Variants in DYTN observed in about 807,000 individuals in gnomAD.
DYTN encodes dystrotelin.
In DYTN, 75 loss-of-function variants were observed where a neutral mutation model predicts 69.6. The observed-to-expected ratio is 1.08, with a 90% CI of 0.89 to 1.31. DYTN has a LOEUF of 1.31. DYTN is among the 50% of genes most tolerant of loss of function. DYTN has a pLI of 0.00. For missense variants in DYTN, 726 were observed against 688.4 expected (o/e 1.05, Z -0.61); for synonymous variants, 252 against 249.1 (o/e 1.01, Z -0.11).
chr2:206,685,769 A>G (rs979382391), intron 9 of DYTN, among the ~76,000 whole-genome samples: 10 of 152,050 alleles, frequency 6.6e-5, no homozygotes, highest in African/African-American at 2.4e-4. Context: ...AGGAGCAAAC[A>G]TTCATTTTTT....
At position 206,695,093 on chromosome 2, in the gene DYTN, G is replaced by C. The variant is rs62194553; in HGVS notation, c.720-216C>G. On this transcript the variant is annotated intron_variant, in intron 7 of 11. Coordinates refer to ENST00000452335, the MANE Select transcript of DYTN (RefSeq NM_001093730.1). ...CTTCATATGATAGTATTTTCAAATGGCATTATATTAATGCCATATACGCTA... is the reference window on the plus strand; with the variant it reads ...CTTCATATGATAGTATTTTCAAATGCCATTATATTAATGCCATATACGCTA... Among the ~76,000 whole-genome samples, 907 of 152,084 alleles carry C rather than the reference G, an allele frequency of 6.0e-3. 4 individuals carry two copies. Among genetic ancestry groups the C allele is most frequent in the Non-Finnish European group, 0.01 (701 of 67,982 alleles).
At chr2:206,656,646 T>C (rs1442759107) in intron 11 of DYTN, among the ~76,000 whole-genome samples, 3 of 152,204 alleles carry the variant, frequency 2.0e-5, no homozygotes, top group South Asian at 2.1e-4. Context: ...TTGCACTTAC[T>C]ATGAGGCTTA....
chr2:206,692,244 G>A (rs1220179415), intron 9 of DYTN, among the ~76,000 whole-genome samples: 2 of 149,526 alleles, frequency 1.3e-5, no homozygotes, highest in Non-Finnish European at 2.9e-5. Flanking sequence ...CAACCTGGGC[G>A]ACAGAGTGAG....
At chr2:206,658,211 CTCTA>C (rs1456151236) in intron 11 of DYTN, among the ~76,000 whole-genome samples, 3 of 152,006 alleles carry the variant, frequency 2.0e-5, no homozygotes, top group African/African-American at 7.2e-5. Context: ...TTAAAAATTT[CTCTA>C]TCTCTTTGTT....
At chr2:206,668,891 G>A (rs1027933156) in intron 9 of DYTN, among the ~76,000 whole-genome samples, 1 of 152,044 alleles carries the variant, frequency 6.6e-6, no homozygotes, top group Non-Finnish European at 1.5e-5. Context: ...CGTTTCCCCC[G>A]CTTGTCCTCA....
chr2:206,694,279 C>T (rs1055844834), intron 8 of DYTN, among the ~76,000 whole-genome samples: 1 of 152,044 alleles, frequency 6.6e-6, no homozygotes, highest in Non-Finnish European at 1.5e-5. Flanking sequence ...TAGTTGTATA[C>T]TTTTTCAGTC....
intron 8 of DYTN, 112 bp downstream of exon 8, chr2:206,694,654 A>C: frequency 1.3e-6 from 1 of 755,972 alleles, no homozygotes; most frequent in Non-Finnish European, 2.0e-6. Context: ...TAAATATTGC[A>C]ATGTATGACA....
At position 206,663,304 on chromosome 2, in the gene DYTN, C is replaced by T; in HGVS notation, c.1232G>A (p.Gly411Glu). The change falls in exon 11 of 12, where the codon GGA (glycine) becomes GAA (glutamate). Residue 411 changes from glycine to glutamate, a missense_variant. Coordinates refer to ENST00000452335, the MANE Select transcript of DYTN (RefSeq NM_001093730.1). ...DHSSTEKVPK[G>E]GDYLQIKNAT... ...ATTCTTGATCTGCAAATAATCCCCT[C>T]CCTTTGGAACCTTTTCAGTTGAAGA... 3.1e-6 allele frequency: 5 copies of T among 1,614,000 alleles called. No individual in the cohort carries two copies. The highest frequency in any genetic ancestry group is 4.2e-6 in the Non-Finnish European group (5 of 1,179,892).
chr2:206,677,374 T>C (rs1021390088), intron 9 of DYTN, among the ~76,000 whole-genome samples: 2 of 152,186 alleles, frequency 1.3e-5, no homozygotes, highest in African/African-American at 2.4e-5. Flanking sequence ...GCTGTTCTTA[T>C]GTAAAAATAA....
At chr2:206,677,310 G>C (rs1309994682) in intron 9 of DYTN, among the ~76,000 whole-genome samples, 1 of 152,042 alleles carries the variant, frequency 6.6e-6, no homozygotes, top group Non-Finnish European at 1.5e-5. Context: ...AAATAAAAAG[G>C]GAAAACTAGC....
intron 4 of DYTN, 79 bp downstream of exon 4, chr2:206,705,709 G>A: frequency 1.5e-6 from 2 of 1,292,488 alleles, no homozygotes; most frequent in Non-Finnish European, 2.2e-6. Flanking sequence ...AAGAGGCCTT[G>A]TGGCAGGGAT....
chr2:206,694,104 AACTT>A (rs1266045975), intron 8 of DYTN, among the ~76,000 whole-genome samples: 7 of 152,332 alleles, frequency 4.6e-5, no homozygotes, highest in Middle Eastern at 6.8e-3. Context: ...TGTGTGAAGA[AACTT>A]ACTCACTGGA....
intron 9 of DYTN, among the ~76,000 whole-genome samples, chr2:206,669,639 A>T (rs755882287): frequency 5.5e-4 from 84 of 152,286 alleles, no homozygotes; most frequent in Admixed American, 1.3e-3. Context: ...AAGGTAAGTT[A>T]AAAAAACTAA....
intron 5 of DYTN, among the ~76,000 whole-genome samples, chr2:206,702,085 T>C (rs992558570): frequency 6.6e-6 from 1 of 152,194 alleles, no homozygotes; most frequent in African/African-American, 2.4e-5. Flanking sequence ...ACCTTACATA[T>C]ATTTCAACGG....
At chr2:206,713,955 C>A (rs974888078) in intron 1 of DYTN, among the ~76,000 whole-genome samples, 3 of 152,184 alleles carry the variant, frequency 2.0e-5, no homozygotes, top group Admixed American at 6.5e-5. Context: ...AGAAACACAG[C>A]CGAGTCTCCA....
chr2:206,684,339 C>A (rs1699783535), intron 9 of DYTN, among the ~76,000 whole-genome samples: 2 of 152,102 alleles, frequency 1.3e-5, no homozygotes, highest in African/African-American at 4.8e-5. Context: ...GGGTCTTGCT[C>A]TGTCACCCAG....
At chr2:206,717,968 G>A (rs994691128) in intron 1 of DYTN, among the ~76,000 whole-genome samples, 4 of 152,000 alleles carry the variant, frequency 2.6e-5, no homozygotes, top group Non-Finnish European at 4.4e-5. Flanking sequence ...ATAAAACTAA[G>A]GTAATAGTTT....
chr2:206,667,234 C>T (rs769971383), intron 9 of DYTN, among the ~76,000 whole-genome samples: 7 of 152,194 alleles, frequency 4.6e-5, no homozygotes, highest in Non-Finnish European at 8.8e-5. Flanking sequence ...GACCTCATCT[C>T]TTGCTTTCCG....
Position 206,651,811 on chromosome 2 carries a change from C to T in DYTN, c.*7G>A, listed in dbSNP as rs1156393276. 1 of 1,613,188 alleles carries T rather than the reference C, an allele frequency of 6.2e-7. No homozygotes were observed. Among genetic ancestry groups the T allele is most frequent in the Non-Finnish European group, 8.5e-7 (1 of 1,179,322 alleles). ...ACACCAAGAGGCCTTTGAGCCTGGA[C>T]TCCATTTCACTTCAAATTGGGCAAG... On this transcript the variant is annotated 3_prime_UTR_variant, in exon 12 of 12. Transcript: ENST00000452335.
Sources: gnomAD v4.1 joint callset for allele counts (sites outside exome capture counted in the v4.1 genomes callset) on GRCh38, gnomAD v4.1.1 for gene constraint, MANE v1.5 for transcripts, NCBI Gene and HGNC (gene_info 2026-07-23, HGNC 2026-07-21) for gene names.